The following EPHA6 variants were observed in gnomAD, a reference collection of about 807,000 sequenced individuals.
EPHA6 encodes ephrin type-A receptor 6.
Under a neutral mutation model 112.0 loss-of-function variants are expected in EPHA6, and 50 were observed. The ratio of observed to expected loss-of-function variants is 0.45; its 90% CI spans 0.36 to 0.56. EPHA6 has a LOEUF of 0.56. Ranked by LOEUF, EPHA6 falls within the 20% of genes least tolerant of loss-of-function variation. The pLI, the probability that EPHA6 is intolerant of heterozygous loss-of-function variation, is 0.00. For synonymous variants in EPHA6, 529 were observed against 490.7 expected (o/e 1.08, Z -1.03); for missense variants, 1,280 against 1,417.4 (o/e 0.90, Z 1.56).
At chr3:97,079,605 G>GT (rs1491193583) in intron 3 of EPHA6, among the ~76,000 whole-genome samples, 2 of 101,212 alleles carry the variant, frequency 2.0e-5, no homozygotes, top group East Asian at 2.7e-4. Flanking sequence ...TAAATTAAAA[G>GT]TAAAAAAAAA....
At chr3:97,195,027 G>T (rs963202502) in intron 3 of EPHA6, among the ~76,000 whole-genome samples, 10 of 151,668 alleles carry the variant, frequency 6.6e-5, no homozygotes, top group Admixed American at 4.6e-4. Flanking sequence ...ATCCATTCAG[G>T]CACCTTATGT....
rs973391838 is a variant in EPHA6 at position 96,971,755 on chromosome 3, C to T, written c.451-15575C>T. Among the ~76,000 whole-genome samples, 4 of 152,178 alleles carry T rather than the reference C, an allele frequency of 2.6e-5. No homozygotes were observed. In the East Asian group the frequency reaches 7.7e-4, roughly 29 times the overall value. ...ACAACCTTAGTTTATTTGGCTTATG[C>T]AAGGTAAGATGAAGAATGTTTGGAA... On this transcript the variant is annotated intron_variant, in intron 2 of 17. Coordinates refer to ENST00000389672, the MANE Select transcript of EPHA6 (RefSeq NM_001080448.3).
At chr3:97,194,010 TA>T (rs1355546782) in intron 3 of EPHA6, among the ~76,000 whole-genome samples, 1 of 152,020 alleles carries the variant, frequency 6.6e-6, no homozygotes, top group African/African-American at 2.4e-5. Context: ...TTTGCTTATT[TA>T]TTCAAAAAAA....
At chr3:97,030,632 G>A (rs1004080917) in intron 3 of EPHA6, among the ~76,000 whole-genome samples, 10 of 151,998 alleles carry the variant, frequency 6.6e-5, no homozygotes, top group African/African-American at 2.2e-4. Flanking sequence ...AGAGATGTGT[G>A]TGGTGCATAA....
rs559137774 is a variant in EPHA6, at chr3:96,943,086, T to C, written c.451-44244T>C. ...TTTTAGATGCCACATATGTGTGAGA[T>C]CATGCAATATTTGTCTTTCTGTTCC... On this transcript the variant is annotated intron_variant, in intron 2 of 17. Coordinates refer to ENST00000389672, the MANE Select transcript of EPHA6 (RefSeq NM_001080448.3). 2.0e-5 allele frequency among the ~76,000 whole-genome samples: 3 copies of C among 152,304 alleles called. No individual in the cohort carries two copies. The East Asian group carries it at 5.8e-4, about 29-fold the overall frequency.
At chr3:97,225,005 G>A (rs1170275089) in intron 3 of EPHA6, among the ~76,000 whole-genome samples, 2 of 152,076 alleles carry the variant, frequency 1.3e-5, no homozygotes, top group Admixed American at 1.3e-4. Flanking sequence ...GCCCAGGCTG[G>A]AGTGCAGTGC....
chr3:96,900,749 C>A (rs1321841152), intron 2 of EPHA6, among the ~76,000 whole-genome samples: 1 of 152,228 alleles, frequency 6.6e-6, no homozygotes, highest in Non-Finnish European at 1.5e-5. Context: ...GCACCCTATT[C>A]ATCTCTGTCA....
chr3:97,434,708 T>G (rs1044713368), intron 6 of EPHA6, among the ~76,000 whole-genome samples: 1 of 152,106 alleles, frequency 6.6e-6, no homozygotes, highest in Non-Finnish European at 1.5e-5. Context: ...ATATTGTATC[T>G]CTTGAATCTA....
intron 2 of EPHA6, among the ~76,000 whole-genome samples, chr3:96,908,567 G>C (rs116871048): frequency 1.3e-5 from 2 of 151,626 alleles, no homozygotes; most frequent in Admixed American, 1.3e-4. Context: ...ATATGTTCCC[G>C]TGCCGATTTC....
chr3:97,339,745 T>C (rs890967680), intron 5 of EPHA6, among the ~76,000 whole-genome samples: 2 of 152,130 alleles, frequency 1.3e-5, no homozygotes, highest in African/African-American at 4.8e-5. Flanking sequence ...AAACGACACA[T>C]ATGTGAGGCA....
At chr3:97,613,887 C>T (rs78366928) in intron 13 of EPHA6, among the ~76,000 whole-genome samples, 4,923 of 152,178 alleles carry the variant, frequency 0.032, 104 homozygotes, top group Middle Eastern at 0.12. Context: ...TTCACTAGTG[C>T]GAATTAAATG....
intron 3 of EPHA6, among the ~76,000 whole-genome samples, chr3:97,090,417 G>A (rs915554729): frequency 1.3e-5 from 2 of 152,004 alleles, no homozygotes; most frequent in Admixed American, 1.3e-4. Context: ...GGGCATTGCA[G>A]TATAAATAAA....
intron 6 of EPHA6, among the ~76,000 whole-genome samples, chr3:97,407,952 T>A (rs949424792): frequency 3.9e-5 from 6 of 152,072 alleles, no homozygotes; most frequent in Non-Finnish European, 7.4e-5. Context: ...GGGTAATTTA[T>A]AAGAAACATA....
intron 14 of EPHA6, among the ~76,000 whole-genome samples, chr3:97,641,683 G>A (rs985130620): frequency 3.3e-5 from 5 of 152,210 alleles, no homozygotes; most frequent in East Asian, 1.9e-4. Context: ...GGTGACGGAC[G>A]CACCTGGAAA....
In EPHA6 at chr3:97,352,373, C is replaced by T. The variant is rs2083856554; in HGVS notation, c.1607-52777C>T. On this transcript the variant is annotated intron_variant, in intron 5 of 17. Coordinates refer to ENST00000389672, the MANE Select transcript of EPHA6 (RefSeq NM_001080448.3). ...ATTACAGTCCCTGGTTTTAACATCA[C>T]ATCAAGGAAAGAGGCAGTGAAGAGG... Among the ~76,000 whole-genome samples, 5 of 152,136 alleles carry T rather than the reference C, an allele frequency of 3.3e-5. No individual in the cohort carries two copies. In the South Asian group the frequency reaches 1.0e-3, roughly 31 times the overall value.
At chr3:97,183,868 T>C (rs1452840391) in intron 3 of EPHA6, among the ~76,000 whole-genome samples, 1 of 152,128 alleles carries the variant, frequency 6.6e-6, no homozygotes, top group Non-Finnish European at 1.5e-5. Context: ...GAAGCTGATA[T>C]GCCTTTTACA....
intron 13 of EPHA6, among the ~76,000 whole-genome samples, chr3:97,623,611 A>G (rs2093831189): frequency 6.6e-6 from 1 of 151,688 alleles, no homozygotes; most frequent in African/African-American, 2.4e-5. Context: ...ACATGGTGGA[A>G]GAGCAGAAGA....
At chr3:97,616,434 G>A (rs1004256367) in intron 13 of EPHA6, among the ~76,000 whole-genome samples, 2 of 152,130 alleles carry the variant, frequency 1.3e-5, no homozygotes, top group African/African-American at 4.8e-5. Context: ...GGCTGAGATG[G>A]CTGAGACGAC....
At chr3:96,918,949 C>T (rs1187472657) in intron 2 of EPHA6, among the ~76,000 whole-genome samples, 3 of 151,754 alleles carry the variant, frequency 2.0e-5, no homozygotes, top group Admixed American at 6.6e-5. Flanking sequence ...TTTATACAGT[C>T]GATAGCAGAG....
Sources: allele counts gnomAD v4.1 joint callset (sites outside exome capture counted in the v4.1 genomes callset), GRCh38; gene constraint gnomAD v4.1.1; transcripts MANE v1.5; gene names NCBI Gene and HGNC (gene_info 2026-07-23, HGNC 2026-07-21).